KATNAL1: variants seen among roughly 807,000 people sequenced by gnomAD.
The protein encoded by KATNAL1 is katanin p60 ATPase-containing subunit A-like 1.
In KATNAL1, 32 loss-of-function variants were observed where a neutral mutation model predicts 55.2. The ratio of observed to expected loss-of-function variants is 0.58; its 90% CI spans 0.44 to 0.78. The LOEUF is 0.78. KATNAL1 is among the 30% of genes least tolerant of loss of function. The pLI, the probability that KATNAL1 is intolerant of heterozygous loss-of-function variation, is 0.00. For missense variants in KATNAL1, 466 were observed against 600.9 expected, an observed-to-expected ratio of 0.78 and a Z score of 2.35; for synonymous variants, 193 against 193.6, an observed-to-expected ratio of 1.00 and a Z score of 0.02.
chr13:30,244,364 T>A (rs1180155130), intron 4 of KATNAL1, among the ~76,000 whole-genome samples: 1 of 152,188 alleles, frequency 6.6e-6, no homozygotes, highest in African/African-American at 2.4e-5. Context: ...GTCTTTGCTA[T>A]TGTGAATAGT....
At chr13:30,208,950 A>G (rs190127375) in intron 10 of KATNAL1, among the ~76,000 whole-genome samples, 1 of 152,328 alleles carries the variant, frequency 6.6e-6, no homozygotes, top group African/African-American at 2.4e-5. Context: ...TAGTTAACGA[A>G]CCCTAAAAGT....
chr13:30,297,762 G>A (rs1882610865), intron 1 of KATNAL1, among the ~76,000 whole-genome samples: 1 of 152,088 alleles, frequency 6.6e-6, no homozygotes, highest in South Asian at 2.1e-4. Context: ...AATAAATGCA[G>A]GAACAGAAAA....
intron 1 of KATNAL1, chr13:30,296,451 C>T (rs919247230): frequency 5.1e-6 from 4 of 783,252 alleles, no homozygotes; most frequent in Non-Finnish European, 9.1e-6. Flanking sequence ...CTGAACATCC[C>T]CCTGCTTGCT....
chr13:30,279,220 A>G (rs1881087840), intron 3 of KATNAL1, among the ~76,000 whole-genome samples: 3 of 152,240 alleles, frequency 2.0e-5, no homozygotes, highest in African/African-American at 7.2e-5. Context: ...GTGTTAACTC[A>G]TTCAATGTTG....
rs77507132 is a variant in KATNAL1, at chr13:30,229,376, C to T, written c.1012+1092G>A. Among the ~76,000 whole-genome samples the T allele has an allele frequency of 1.7e-3, 257 of 152,220 alleles. 1 individual carries two copies. Among genetic ancestry groups the T allele is most frequent in the African/African-American group, 5.8e-3 (239 of 41,514 alleles). On this transcript the variant is annotated intron_variant, in intron 8 of 10. Coordinates refer to ENST00000380615, the MANE Select transcript of KATNAL1 (RefSeq NM_032116.5). ...TCTGATCAGTTGCCTGCTTCCCATC[C>T]AGATCAGTGGTTCTCAAACTTTTTG... is the stretch of plus-strand genomic sequence containing the variant.
chr13:30,221,258 C>T (rs938736434), intron 9 of KATNAL1, among the ~76,000 whole-genome samples: 12 of 152,302 alleles, frequency 7.9e-5, no homozygotes, highest in African/African-American at 2.9e-4. Context: ...TGTTACCAAA[C>T]TTGCCCCCTA....
intron 3 of KATNAL1, among the ~76,000 whole-genome samples, chr13:30,276,977 TG>T (rs1367954245): frequency 6.6e-6 from 1 of 152,218 alleles, no homozygotes; most frequent in Admixed American, 6.5e-5. Flanking sequence ...CTAAACTTCA[TG>T]GGATCACTTG....
intron 6 of KATNAL1, among the ~76,000 whole-genome samples, chr13:30,238,414 C>A (rs1489556524): frequency 1.3e-5 from 2 of 152,138 alleles, no homozygotes; most frequent in Admixed American, 6.5e-5. Flanking sequence ...AGTCTGGATC[C>A]AGGATCTGTA....
At chr13:30,281,212 T>C (rs1166356544) in intron 2 of KATNAL1, among the ~76,000 whole-genome samples, 4 of 150,540 alleles carry the variant, frequency 2.7e-5, no homozygotes, top group African/African-American at 9.8e-5. Context: ...CACGTCACAC[T>C]GTAAAGCAGA....
rs1873000010 is a variant in KATNAL1, at chr13:30,205,238, G to A, written c.*3302C>T. 6.6e-6 allele frequency: 1 copy of A among 152,062 alleles called. No homozygotes were observed. The highest frequency in any genetic ancestry group is 1.5e-5 in the Non-Finnish European group (1 of 68,038). The allele number at this position is 152,062 out of a possible 1,614,324, so 9.4% of individuals were successfully genotyped here. A position where few individuals can be genotyped will look rare whatever the true frequency, so the allele number is the denominator to read the frequency against. On this transcript the variant is annotated 3_prime_UTR_variant, in exon 11 of 11. Coordinates refer to ENST00000380615, the MANE Select transcript of KATNAL1 (RefSeq NM_032116.5). ...CTCTCCATCAGTGATCTAAACTCTT[G>A]TTTCAGTAGTAGAAGCCAGAAGCTA...
chr13:30,303,464 C>G (rs772177554), intron 1 of KATNAL1, among the ~76,000 whole-genome samples: 2 of 152,206 alleles, frequency 1.3e-5, no homozygotes, highest in Non-Finnish European at 2.9e-5. Flanking sequence ...ACTGGGGAGG[C>G]TGAGACAGGA....
intron 3 of KATNAL1, among the ~76,000 whole-genome samples, 166 bp downstream of exon 3, chr13:30,279,897 G>A (rs1038743814): frequency 6.6e-6 from 1 of 152,154 alleles, no homozygotes; most frequent in African/African-American, 2.4e-5. Context: ...ATTTACTTCT[G>A]TACTTTATCA....
chr13:30,237,788 A>C (rs929874882), intron 6 of KATNAL1, among the ~76,000 whole-genome samples: 2 of 152,228 alleles, frequency 1.3e-5, no homozygotes, highest in Non-Finnish European at 2.9e-5. Flanking sequence ...TGAACTTTCA[A>C]CATCAAGAAC....
intron 9 of KATNAL1, among the ~76,000 whole-genome samples, chr13:30,218,562 G>A (rs1874541935): frequency 6.6e-6 from 1 of 152,120 alleles, no homozygotes; most frequent in South Asian, 2.1e-4. Context: ...CCAAACCAGA[G>A]GCAGTCTAAT....
intron 9 of KATNAL1, among the ~76,000 whole-genome samples, chr13:30,223,366 T>C (rs548146030): frequency 2.2e-3 from 295 of 133,562 alleles, no homozygotes; most frequent in Middle Eastern, 4.6e-3. Context: ...GGTGTGAACC[T>C]GGGAGGCAGA....
At position 30,204,071 on chromosome 13, in the gene KATNAL1, T is replaced by C. The variant is rs551416275; in HGVS notation, c.*4469A>G. 6.6e-6 allele frequency: 1 copy of C among 152,316 alleles called. No individual in the cohort carries two copies. Among genetic ancestry groups the C allele is most frequent in the African/African-American group, 2.4e-5 (1 of 41,560 alleles). 9.4% of individuals were successfully genotyped at this position (152,316 alleles called of 1,614,324 possible). A position where few individuals can be genotyped will look rare whatever the true frequency, so the allele number is the denominator to read the frequency against. The stretch of plus-strand genomic sequence containing the variant: ...TAAGTATAATTTCTGCTTTTTCCTA[T>C]TGTGACATATTCTCAGGTTCACACA... On this transcript the variant is annotated 3_prime_UTR_variant, in exon 11 of 11. Coordinates refer to ENST00000380615, the MANE Select transcript of KATNAL1 (RefSeq NM_032116.5).
At chr13:30,229,761 G>A (rs1297144231) in intron 8 of KATNAL1, among the ~76,000 whole-genome samples, 2 of 152,066 alleles carry the variant, frequency 1.3e-5, no homozygotes, top group African/African-American at 4.8e-5. Flanking sequence ...GCTTTTTTGT[G>A]TGTGGAGTGT....
intron 3 of KATNAL1, among the ~76,000 whole-genome samples, chr13:30,269,399 G>C (rs1455602962): frequency 1.3e-5 from 2 of 152,266 alleles, no homozygotes; most frequent in Non-Finnish European, 2.9e-5. Flanking sequence ...TGGTGCCCAG[G>C]CTGGAGTGCA....
chr13:30,280,774 T>C (rs1421299678), intron 2 of KATNAL1, among the ~76,000 whole-genome samples: 1 of 152,154 alleles, frequency 6.6e-6, no homozygotes, highest in African/African-American at 2.4e-5. Flanking sequence ...TTATTTAAAT[T>C]ATTTTGAGTT....
Sources: gnomAD v4.1 joint callset for allele counts (sites outside exome capture counted in the v4.1 genomes callset) on GRCh38, gnomAD v4.1.1 for gene constraint, MANE v1.5 for transcripts, NCBI Gene and HGNC (gene_info 2026-07-23, HGNC 2026-07-21) for gene names.